The following SMG1 variants were observed in gnomAD, a reference collection of about 807,000 sequenced individuals.
SMG1 encodes serine/threonine-protein kinase SMG1.
In SMG1, 22 loss-of-function variants were observed where a neutral mutation model predicts 419.9. The observed-to-expected ratio is 0.05, with a 90% CI of 0.04 to 0.07. The LOEUF is 0.07. Among genes scored for constraint, SMG1 ranks in the 10% least tolerant of loss-of-function variants. SMG1 has a pLI of 1.00. For synonymous variants in SMG1, 1,538 were observed against 1,553.5 expected, an observed-to-expected ratio of 0.99 and a Z score of 0.23; for missense variants, 3,185 against 4,342.0, an observed-to-expected ratio of 0.73 and a Z score of 7.49.
At chr16:18,917,150 T>TTA (rs1567463994) in intron 1 of SMG1, among the ~76,000 whole-genome samples, 295 of 150,344 alleles carry the variant, frequency 2.0e-3, no homozygotes, top group African/African-American at 4.0e-3. Flanking sequence ...TTAATTAATT[T>TTA]ATTTATTTAT....
At chr16:18,814,343 A>AT (rs1307065599) in intron 60 of SMG1, among the ~76,000 whole-genome samples, 6 of 149,802 alleles carry the variant, frequency 4.0e-5, no homozygotes, top group African/African-American at 7.3e-5. Context: ...ATATATATAT[A>AT]TTTTTTTTAG....
chr16:18,925,719 C>A, intron 1 of SMG1: 1 of 405,326 alleles, frequency 2.5e-6, no homozygotes, highest in Non-Finnish European at 4.3e-6. Flanking sequence ...CGCCGGGAGC[C>A]CCGGGTCTCG....
intron 25 of SMG1, among the ~76,000 whole-genome samples, chr16:18,861,712 A>G (rs2035228336): frequency 6.6e-6 from 1 of 152,310 alleles, no homozygotes; most frequent in Middle Eastern, 3.4e-3. Context: ...AGTCCTCTCC[A>G]GGTGGCAGGT....
At chr16:18,902,603 C>T (rs377245949) in intron 1 of SMG1, among the ~76,000 whole-genome samples, 1 of 151,598 alleles carries the variant, frequency 6.6e-6, no homozygotes, top group Admixed American at 6.6e-5. Flanking sequence ...AGGTGGCTGA[C>T]GTAGGAGGAC....
At chr16:18,907,676 T>C (rs928318341) in intron 1 of SMG1, among the ~76,000 whole-genome samples, 7 of 151,240 alleles carry the variant, frequency 4.6e-5, no homozygotes, top group Non-Finnish European at 1.0e-4. Context: ...GGTGAAACCC[T>C]GTCTCTACCA....
At chr16:18,916,442 G>A (rs1457812436) in intron 1 of SMG1, among the ~76,000 whole-genome samples, 1 of 149,644 alleles carries the variant, frequency 6.7e-6, no homozygotes, top group Non-Finnish European at 1.5e-5. Flanking sequence ...GTGAACCCCG[G>A]GGGGTGGAGC....
intron 1 of SMG1, among the ~76,000 whole-genome samples, chr16:18,904,611 C>T (rs1253216496): frequency 6.6e-6 from 1 of 150,978 alleles, no homozygotes; most frequent in Admixed American, 6.6e-5. Flanking sequence ...ACACTCCAGT[C>T]TGGTGACAGA....
intron 11 of SMG1, chr16:18,878,888 T>C (rs1269185356): frequency 2.5e-5 from 4 of 157,372 alleles, no homozygotes; most frequent in Non-Finnish European, 5.6e-5. Flanking sequence ...CGCACGCCTG[T>C]AGTCCTAGCT....
intron 25 of SMG1, chr16:18,861,630 G>C (rs968189110): frequency 1.3e-5 from 2 of 152,186 alleles, no homozygotes; most frequent in Non-Finnish European, 2.9e-5. Flanking sequence ...GCTTCTCAGG[G>C]GGACCCTTGA....
At position 18,853,624 on chromosome 16, in the gene SMG1, G is replaced by T; in HGVS notation, c.4727C>A (p.Thr1576Lys). ...LTLIELPSVN[T>K]MEEEYPRIES... ...GATCCGAGGATACTCTTCTTCCATCGTATTAACAGATGGCAGTTCTATTAG... is the reference window on the plus strand; with the variant it reads ...GATCCGAGGATACTCTTCTTCCATCTTATTAACAGATGGCAGTTCTATTAG... The change falls in exon 31 of 63, where the codon ACG (threonine) becomes AAG (lysine). Residue 1576 changes from threonine (T) to lysine (K), a missense_variant. This residue lies in a region of SMG1 where 493 missense variants were observed against 552.9 expected (regional missense o/e 0.89). Transcript: ENST00000446231. 3 of 1,608,860 alleles carry T rather than the reference G, an allele frequency of 1.9e-6. No homozygotes were observed. The highest frequency in any genetic ancestry group is 2.2e-5 in the South Asian group (2 of 90,228).
intron 11 of SMG1, chr16:18,878,730 T>C (rs1462639340): frequency 6.6e-6 from 1 of 151,194 alleles, no homozygotes; most frequent in Non-Finnish European, 1.5e-5. Flanking sequence ...AATAGAGGCC[T>C]GGTAGAGTGG....
intron 11 of SMG1, 89 bp from the exon 12 acceptor site, chr16:18,877,321 G>A: frequency 2.0e-6 from 2 of 975,672 alleles, no homozygotes; most frequent in Non-Finnish European, 3.0e-6. Context: ...AGTGAAAGAA[G>A]CCAATTGAAA....
At chr16:18,831,754 CAA>C (rs34963434) in intron 51 of SMG1, among the ~76,000 whole-genome samples, 232 of 90,246 alleles carry the variant, frequency 2.6e-3, no homozygotes, top group African/African-American at 6.3e-3. Context: ...GACTCCATCT[CAA>C]AAAAAAAAAA....
rs2033465192 is a variant in SMG1, at chr16:18,835,049, C to G, written c.8173G>C (p.Val2725Leu). The G allele has an allele frequency of 6.2e-7, 1 of 1,613,890 alleles. No homozygotes were observed. Among genetic ancestry groups the G allele is most frequent in the Non-Finnish European group, 8.5e-7 (1 of 1,179,882 alleles). The change falls in exon 49 of 63, where the codon GTG (valine) becomes CTG (leucine). Residue 2725 changes from valine (V) to leucine (L), a missense_variant. By Grantham distance (32) the Val-to-Leu change is conservative (BLOSUM62 1). Transcript: ENST00000446231. ...ACAGCTTCCTGTTTCAAGCGTTCCA[C>G]TTGTCTAATAAGTCTGCTGTTGATG... ...ADINSRLIRQ[V>L]ERLKQEAVTV...
At chr16:18,863,601 A>G (rs1348317186) in intron 25 of SMG1, 49 bp downstream of exon 25, 4 of 1,509,156 alleles carry the variant, frequency 2.7e-6, no homozygotes, top group African/African-American at 2.7e-5. Context: ...TAGGAAAAAC[A>G]TCATAGTTAT....
At chr16:18,835,874 G>A in intron 48 of SMG1, 59 bp downstream of exon 48, 1 of 1,484,884 alleles carries the variant, frequency 6.7e-7, no homozygotes, top group East Asian at 2.5e-5. Flanking sequence ...ACTCCAGCCT[G>A]GGTGACAGAA....
At position 18,848,047 on chromosome 16, in the gene SMG1, G is replaced by A; in HGVS notation, c.5624-14C>T. 1.3e-6 allele frequency: 2 copies of A among 1,587,496 alleles called. No individual in the cohort carries two copies. The highest frequency in any genetic ancestry group is 1.7e-6 in the Non-Finnish European group (2 of 1,157,066). Reference sequence around the variant, plus strand: ...AAAATTTATTTCCTGTAATGAAATAGGAGAACAAGGAATATTTTGAACATT... The same window carrying A: ...AAAATTTATTTCCTGTAATGAAATAAGAGAACAAGGAATATTTTGAACATT... On this transcript the variant is annotated splice_polypyrimidine_tract_variant and intron_variant, in intron 36 of 62. Transcript: ENST00000446231.
intron 55 of SMG1, among the ~76,000 whole-genome samples, chr16:18,827,495 A>G (rs1278360030): frequency 2.1e-5 from 3 of 145,182 alleles, no homozygotes; most frequent in African/African-American, 7.6e-5. Flanking sequence ...GTATAAATAT[A>G]CCAAAATATA....
At chr16:18,818,341 C>T (rs552281080) in intron 56 of SMG1, among the ~76,000 whole-genome samples, 11 of 152,072 alleles carry the variant, frequency 7.2e-5, no homozygotes, top group Middle Eastern at 3.4e-3. Flanking sequence ...GCCAAGATCA[C>T]GCCACTGCAC....
Sources: gnomAD v4.1 joint callset for allele counts (sites outside exome capture counted in the v4.1 genomes callset) on GRCh38, gnomAD v4.1.1 for gene constraint, gnomAD v4.1.1 regional missense constraint, MANE v1.5 for transcripts, NCBI Gene and HGNC (gene_info 2026-07-23, HGNC 2026-07-21) for gene names.